The following ZDHHC14 variants were observed in gnomAD, a reference collection of about 807,000 sequenced individuals.
ZDHHC14 encodes the protein palmitoyltransferase ZDHHC14.
ZDHHC14 carries 16 observed loss-of-function variants against 47.7 expected under a neutral mutation model. That is an observed-to-expected ratio of 0.34 (90% confidence interval 0.23 to 0.51). The LOEUF (loss-of-function observed/expected upper bound fraction) is 0.51. Ranked by LOEUF, ZDHHC14 falls within the 20% of genes least tolerant of loss-of-function variation. The pLI, the probability that ZDHHC14 is intolerant of heterozygous loss-of-function variation, is 0.97. For missense variants in ZDHHC14, 515 were observed against 662.5 expected (o/e 0.78, Z 2.44); for synonymous variants, 293 against 278.9 (o/e 1.05, Z -0.50).
At chr6:157,418,188 G>A (rs371612910) in intron 1 of ZDHHC14, among the ~76,000 whole-genome samples, 6 of 152,248 alleles carry the variant, frequency 3.9e-5, no homozygotes, top group South Asian at 2.1e-4. Context: ...CCTGTCCCAC[G>A]CGTGTCTTAT....
chr6:157,391,265 G>T (rs1276971222), intron 1 of ZDHHC14, among the ~76,000 whole-genome samples: 1 of 152,176 alleles, frequency 6.6e-6, no homozygotes, highest in African/African-American at 2.4e-5. Context: ...CTGGGGAGTT[G>T]TCTTTGTGTC....
At chr6:157,549,217 T>C (rs1266068624) in intron 2 of ZDHHC14, among the ~76,000 whole-genome samples, 3 of 152,194 alleles carry the variant, frequency 2.0e-5, no homozygotes, top group Non-Finnish European at 4.4e-5. Context: ...ACATCCTCTC[T>C]CCCCGGTACA....
intron 1 of ZDHHC14, among the ~76,000 whole-genome samples, chr6:157,535,651 G>A (rs565471765): frequency 5.9e-5 from 9 of 152,236 alleles, no homozygotes; most frequent in African/African-American, 1.7e-4. Context: ...GGCTCTGTGC[G>A]TCTGGGGTAA....
intron 1 of ZDHHC14, among the ~76,000 whole-genome samples, chr6:157,406,577 C>A (rs1256119099): frequency 6.6e-6 from 1 of 152,174 alleles, no homozygotes. Flanking sequence ...TTATGGGGCA[C>A]CTTCAGGTAA....
chr6:157,412,047 T>A (rs1310821224), intron 1 of ZDHHC14, among the ~76,000 whole-genome samples: 1 of 151,420 alleles, frequency 6.6e-6, no homozygotes, highest in Non-Finnish European at 1.5e-5. Context: ...CAAGCAATTC[T>A]CCTGCCTCAG....
intron 1 of ZDHHC14, among the ~76,000 whole-genome samples, chr6:157,464,717 C>A (rs534926160): frequency 5.9e-5 from 9 of 152,338 alleles, no homozygotes; most frequent in African/African-American, 2.2e-4. Flanking sequence ...TGACCCGAAG[C>A]AAATTTTGTT....
At chr6:157,390,718 A>G (rs1777405136) in intron 1 of ZDHHC14, among the ~76,000 whole-genome samples, 1 of 152,182 alleles carries the variant, frequency 6.6e-6, no homozygotes, top group African/African-American at 2.4e-5. Flanking sequence ...TTCTACACTT[A>G]AAAAATAGTT....
At chr6:157,481,490 C>T (rs960993334) in intron 1 of ZDHHC14, among the ~76,000 whole-genome samples, 15 of 150,788 alleles carry the variant, frequency 9.9e-5, no homozygotes, top group African/African-American at 3.2e-4. Flanking sequence ...TGCACTCCCA[C>T]CGACCCTCTG....
chr6:157,485,784 G>A (rs1402319498), intron 1 of ZDHHC14, among the ~76,000 whole-genome samples: 2 of 152,068 alleles, frequency 1.3e-5, no homozygotes, highest in Non-Finnish European at 2.9e-5. Flanking sequence ...GCCAAGGCGG[G>A]TGGATCACTT....
intron 3 of ZDHHC14, among the ~76,000 whole-genome samples, chr6:157,614,847 T>C (rs945138816): frequency 7.2e-5 from 11 of 151,938 alleles, no homozygotes; most frequent in African/African-American, 2.7e-4. Flanking sequence ...CTTGGCTCAC[T>C]GTAACCTCTG....
chr6:157,482,809 C>T (rs997811868), intron 1 of ZDHHC14, among the ~76,000 whole-genome samples: 5 of 150,432 alleles, frequency 3.3e-5, no homozygotes, highest in Non-Finnish European at 5.9e-5. Context: ...ATGGCATGAA[C>T]TCAGCTCACT....
At chr6:157,490,134 C>G (rs570474584) in intron 1 of ZDHHC14, among the ~76,000 whole-genome samples, 1 of 151,930 alleles carries the variant, frequency 6.6e-6, no homozygotes, top group African/African-American at 2.4e-5. Flanking sequence ...TGCCATTTAC[C>G]GGAATGGGGA....
chr6:157,440,658 A>G (rs1289476401), intron 1 of ZDHHC14, among the ~76,000 whole-genome samples: 1 of 152,256 alleles, frequency 6.6e-6, no homozygotes, highest in East Asian at 1.9e-4. Context: ...AACAGCTCAC[A>G]TGTTCATCAA....
intron 3 of ZDHHC14, among the ~76,000 whole-genome samples, chr6:157,627,917 C>T (rs1451559961): frequency 6.6e-6 from 1 of 152,204 alleles, no homozygotes; most frequent in Non-Finnish European, 1.5e-5. Flanking sequence ...CTCTCTATGG[C>T]CATTTACTAT....
intron 1 of ZDHHC14, among the ~76,000 whole-genome samples, chr6:157,461,853 T>C (rs976956616): frequency 3.9e-5 from 6 of 152,160 alleles, no homozygotes; most frequent in Admixed American, 1.3e-4. Context: ...GATTTATTAG[T>C]CATGGAAACT....
chr6:157,401,632 T>A (rs1229139521), intron 1 of ZDHHC14, among the ~76,000 whole-genome samples: 1 of 144,030 alleles, frequency 6.9e-6, no homozygotes, highest in East Asian at 2.1e-4. Context: ...CCTGCTGAGG[T>A]CTCAGCTGCA....
At chr6:157,438,152 G>A (rs990290327) in intron 1 of ZDHHC14, among the ~76,000 whole-genome samples, 1 of 152,028 alleles carries the variant, frequency 6.6e-6, no homozygotes, top group Non-Finnish European at 1.5e-5. Flanking sequence ...AAAAAAATGA[G>A]AAAGTAGAAA....
intron 1 of ZDHHC14, among the ~76,000 whole-genome samples, chr6:157,436,650 A>G (rs888435614): frequency 1.3e-5 from 2 of 152,112 alleles, no homozygotes; most frequent in Non-Finnish European, 2.9e-5. Context: ...GAGCCCTCAG[A>G]GAGGTCTGCG....
At chr6:157,635,296 G>C (rs748231137) in intron 5 of ZDHHC14, among the ~76,000 whole-genome samples, 33 of 152,150 alleles carry the variant, frequency 2.2e-4, no homozygotes, top group Non-Finnish European at 3.7e-4. Flanking sequence ...CCCAGCCACT[G>C]CCTGGTCTTT....
Sources: gnomAD v4.1 joint callset for allele counts (sites outside exome capture counted in the v4.1 genomes callset) on GRCh38, gnomAD v4.1.1 for gene constraint, MANE v1.5 for transcripts, NCBI Gene and HGNC (gene_info 2026-07-23, HGNC 2026-07-21) for gene names.